GALNTL6: variants seen among roughly 807,000 people sequenced by gnomAD.
GALNTL6 encodes polypeptide N-acetylgalactosaminyltransferase-like 6.
Under a neutral mutation model 73.7 loss-of-function variants are expected in GALNTL6, and 46 were observed. That is an observed-to-expected ratio of 0.62 (90% CI 0.49 to 0.80). The LOEUF is 0.80. GALNTL6 is among the 30% of genes least tolerant of loss of function. The probability of loss-of-function intolerance (pLI) is 0.00; values close to 1 mark genes in which losing one functional copy is unlikely to be tolerated. For missense variants in GALNTL6, 604 were observed against 755.0 expected, an observed-to-expected ratio of 0.80 and a Z score of 2.34; for synonymous variants, 259 against 263.7, an observed-to-expected ratio of 0.98 and a Z score of 0.17.
At chr4:172,331,422 T>G (rs1741121852) in intron 4 of GALNTL6, among the ~76,000 whole-genome samples, 1 of 152,106 alleles carries the variant, frequency 6.6e-6, no homozygotes, top group African/African-American at 2.4e-5. Context: ...AGAAGTAAAT[T>G]TTTAAGTATA....
intron 5 of GALNTL6, among the ~76,000 whole-genome samples, chr4:172,800,110 G>C (rs997340638): frequency 6.6e-6 from 1 of 152,030 alleles, no homozygotes; most frequent in Non-Finnish European, 1.5e-5. Context: ...CCTGAAGCTG[G>C]GGGGGAGAGA....
intron 2 of GALNTL6, among the ~76,000 whole-genome samples, chr4:172,107,226 T>C (rs1429839924): frequency 6.6e-6 from 1 of 152,246 alleles, no homozygotes; most frequent in African/African-American, 2.4e-5. Flanking sequence ...TCAGGTCTTA[T>C]ACAAATGACT....
At chr4:171,976,955 C>G (rs988783466) in intron 2 of GALNTL6, among the ~76,000 whole-genome samples, 15 of 152,152 alleles carry the variant, frequency 9.9e-5, no homozygotes, top group African/African-American at 3.6e-4. Context: ...TATTCTATCA[C>G]CTTACCAGTT....
At chr4:172,364,245 A>G (rs918772821) in intron 5 of GALNTL6, among the ~76,000 whole-genome samples, 3 of 152,120 alleles carry the variant, frequency 2.0e-5, no homozygotes, top group South Asian at 2.1e-4. Flanking sequence ...TAAAATAGCA[A>G]GAGTCTGTCT....
chr4:172,243,979 ATAT>A (rs1290404567), intron 3 of GALNTL6, among the ~76,000 whole-genome samples: 1 of 152,116 alleles, frequency 6.6e-6, no homozygotes, highest in Non-Finnish European at 1.5e-5. Context: ...TCTCTTAAAA[ATAT>A]TATCTGGCAC....
intron 5 of GALNTL6, among the ~76,000 whole-genome samples, chr4:172,707,551 A>C (rs1349866837): frequency 6.6e-6 from 1 of 152,234 alleles, no homozygotes; most frequent in Admixed American, 6.5e-5. Flanking sequence ...CAATCAACTC[A>C]TCATAATGTC....
chr4:172,290,990 T>C (rs531134252), intron 3 of GALNTL6, among the ~76,000 whole-genome samples: 1 of 152,118 alleles, frequency 6.6e-6, no homozygotes, highest in Admixed American at 6.5e-5. Context: ...ACACTGCTTA[T>C]GTATACATGA....
intron 2 of GALNTL6, among the ~76,000 whole-genome samples, chr4:172,189,014 T>C (rs1487347521): frequency 6.6e-6 from 1 of 152,218 alleles, no homozygotes; most frequent in African/African-American, 2.4e-5. Context: ...CAGTTAGCAG[T>C]ATTATCACCA....
At chr4:172,182,569 A>G (rs1735284645) in intron 2 of GALNTL6, among the ~76,000 whole-genome samples, 1 of 149,164 alleles carries the variant, frequency 6.7e-6, no homozygotes, top group African/African-American at 2.4e-5. Context: ...AAAAAAAAAA[A>G]AGTGATAAAC....
At chr4:172,695,295 G>A (rs1418990086) in intron 5 of GALNTL6, among the ~76,000 whole-genome samples, 1 of 152,192 alleles carries the variant, frequency 6.6e-6, no homozygotes, top group Non-Finnish European at 1.5e-5. Flanking sequence ...CAGAAATGAT[G>A]TAGGTGATCT....
intron 2 of GALNTL6, among the ~76,000 whole-genome samples, chr4:171,982,163 C>G (rs1739915782): frequency 6.6e-6 from 1 of 152,022 alleles, no homozygotes; most frequent in Non-Finnish European, 1.5e-5. Flanking sequence ...ATATTTAAGT[C>G]TATATAACCA....
At chr4:172,928,339 AC>A (rs2111311343) in intron 8 of GALNTL6, among the ~76,000 whole-genome samples, 1 of 152,336 alleles carries the variant, frequency 6.6e-6, no homozygotes, top group East Asian at 1.9e-4. Context: ...TGAACAAGCT[AC>A]TTAGCATCTC....
intron 4 of GALNTL6, among the ~76,000 whole-genome samples, chr4:172,321,796 A>T (rs1740765028): frequency 6.6e-6 from 1 of 152,194 alleles, no homozygotes; most frequent in African/African-American, 2.4e-5. Flanking sequence ...CCCCACCACC[A>T]GAAATGTCAG....
chr4:172,742,121 C>A (rs1007414933), intron 5 of GALNTL6, among the ~76,000 whole-genome samples: 3 of 151,942 alleles, frequency 2.0e-5, no homozygotes, highest in African/African-American at 7.2e-5. Flanking sequence ...TCTTCTACCA[C>A]CCCATCACAT....
chr4:171,850,372 AGGAG>A (rs1735489889), intron 2 of GALNTL6, among the ~76,000 whole-genome samples: 2 of 152,346 alleles, frequency 1.3e-5, no homozygotes, highest in African/African-American at 4.8e-5. Flanking sequence ...CAGCGATCTT[AGGAG>A]GAGAAAGTTA....
intron 5 of GALNTL6, among the ~76,000 whole-genome samples, chr4:172,714,110 C>G (rs956285306): frequency 6.6e-6 from 1 of 152,066 alleles, no homozygotes; most frequent in African/African-American, 2.4e-5. Flanking sequence ...GACTGGTCCC[C>G]AGGAAATAAG....
rs529037313 is a variant in GALNTL6, at chr4:171,888,833, A to G, written c.138+74115A>G. On this transcript the variant is annotated intron_variant, in intron 2 of 12. Transcript: ENST00000506823. Reference sequence around the variant, plus strand: ...TGCATATGTATCTAGAAAAATGACCATGATATAATTTTTACTACCTTGGCT... The same window carrying G: ...TGCATATGTATCTAGAAAAATGACCGTGATATAATTTTTACTACCTTGGCT... 5.9e-5 allele frequency among the ~76,000 whole-genome samples: 9 copies of G among 152,230 alleles called. No individual in the cohort carries two copies. In the East Asian group the frequency reaches 1.7e-3, roughly 29 times the overall value.
At chr4:172,725,307 C>T (rs1457652733) in intron 5 of GALNTL6, among the ~76,000 whole-genome samples, 2 of 152,118 alleles carry the variant, frequency 1.3e-5, no homozygotes, top group Admixed American at 6.5e-5. Context: ...TTTGGCTCTC[C>T]GTGCCACCCC....
At chr4:172,245,919 C>T (rs188267496) in intron 3 of GALNTL6, among the ~76,000 whole-genome samples, 5 of 152,238 alleles carry the variant, frequency 3.3e-5, no homozygotes, top group Admixed American at 2.6e-4. Context: ...GAGCAGCTTT[C>T]ATGCCAGACA....
Sources: gnomAD v4.1 joint callset for allele counts (sites outside exome capture counted in the v4.1 genomes callset) on GRCh38, gnomAD v4.1.1 for gene constraint, MANE v1.5 for transcripts, NCBI Gene and HGNC (gene_info 2026-07-23, HGNC 2026-07-21) for gene names.